Variants in LRP2 observed in about 807,000 individuals in gnomAD.
LRP2 encodes low-density lipoprotein receptor-related protein 2.
Under a neutral mutation model 531.0 loss-of-function variants are expected in LRP2, and 172 were observed. That is an observed-to-expected ratio of 0.32 (90% CI 0.29 to 0.37). The LOEUF (loss-of-function observed/expected upper bound fraction) is 0.37. Among genes scored for constraint, LRP2 ranks in the 10% least tolerant of loss-of-function variants. The pLI is 1.00. For missense variants in LRP2, 5,167 were observed against 5,868.3 expected (o/e 0.88, Z 3.90); for synonymous variants, 1,992 against 2,027.6 (o/e 0.98, Z 0.47).
At chr2:169,339,525 T>C (rs1378239752) in intron 1 of LRP2, among the ~76,000 whole-genome samples, 1 of 152,202 alleles carries the variant, frequency 6.6e-6, no homozygotes, top group Non-Finnish European at 1.5e-5. Flanking sequence ...TTAAGACATT[T>C]TCAACAATTA....
intron 3 of LRP2, among the ~76,000 whole-genome samples, chr2:169,310,648 T>C (rs1431431419): frequency 6.6e-6 from 1 of 152,226 alleles, no homozygotes; most frequent in Admixed American, 6.5e-5. Flanking sequence ...TCAGGGCTAT[T>C]GGTCTAAAAT....
At position 169,170,549 on chromosome 2, in the gene LRP2, A is replaced by G. The variant is rs1449878363; in HGVS notation, c.11380+2T>C. 2 of 1,610,906 alleles carry G rather than the reference A, an allele frequency of 1.2e-6. No homozygotes were observed. ...ATGGTAAGCTTCTCAAATGACAGTT[A>G]CCACAGTCCCGTTCATCTGAGTTGT... On this transcript the variant is annotated splice_donor_variant, in intron 59 of 78. Transcript: ENST00000649046. LOFTEE classifies it high-confidence loss of function.
intron 53 of LRP2, among the ~76,000 whole-genome samples, chr2:169,177,202 A>G (rs150830184): frequency 2.0e-3 from 310 of 152,348 alleles, no homozygotes; most frequent in Non-Finnish European, 3.6e-3. Context: ...GCAGACCCAC[A>G]AAAACCAGTC....
chr2:169,218,047 C>G (rs1688858919), intron 34 of LRP2, among the ~76,000 whole-genome samples: 1 of 152,158 alleles, frequency 6.6e-6, no homozygotes, highest in Admixed American at 6.5e-5. Context: ...TGCCTCAGCT[C>G]TTTATTAGTG....
chr2:169,360,010 A>C (rs1406838464), intron 1 of LRP2, among the ~76,000 whole-genome samples: 5 of 151,804 alleles, frequency 3.3e-5, no homozygotes, highest in Non-Finnish European at 7.4e-5. Context: ...TTGTAGTCCC[A>C]GCTACTTGGG....
chr2:169,309,383 C>G (rs1203328142), intron 3 of LRP2, among the ~76,000 whole-genome samples: 4 of 152,186 alleles, frequency 2.6e-5, no homozygotes, highest in Non-Finnish European at 5.9e-5. Flanking sequence ...TTTAATCCAT[C>G]TTGAATTAAT....
intron 4 of LRP2, among the ~76,000 whole-genome samples, chr2:169,296,972 AT>A (rs1447789324): frequency 3.3e-5 from 5 of 152,124 alleles, no homozygotes; most frequent in African/African-American, 1.2e-4. Flanking sequence ...ATCACTCTCA[AT>A]CAGCAGAGGA....
At chr2:169,160,026 G>C (rs1686513471) in intron 63 of LRP2, among the ~76,000 whole-genome samples, 2 of 152,058 alleles carry the variant, frequency 1.3e-5, no homozygotes, top group Non-Finnish European at 2.9e-5. Flanking sequence ...ATTTTAACCC[G>C]TATAACTGAT....
intron 1 of LRP2, among the ~76,000 whole-genome samples, chr2:169,333,114 A>G (rs1439095078): frequency 6.6e-6 from 1 of 152,224 alleles, no homozygotes; most frequent in Non-Finnish European, 1.5e-5. Context: ...TCATCTAGTA[A>G]ACTGAAGTCA....
intron 16 of LRP2, among the ~76,000 whole-genome samples, chr2:169,261,225 T>C (rs1472679317): frequency 1.3e-5 from 2 of 151,994 alleles, no homozygotes; most frequent in African/African-American, 4.8e-5. Context: ...GCATATCTGA[T>C]GATAGGGAAA....
intron 67 of LRP2, among the ~76,000 whole-genome samples, chr2:169,152,555 T>C (rs980578705): frequency 6.6e-6 from 1 of 152,190 alleles, no homozygotes; most frequent in Non-Finnish European, 1.5e-5. Flanking sequence ...GATATTGACC[T>C]GGGTGCTTTC....
intron 23 of LRP2, 37 bp downstream of exon 23, chr2:169,243,366 T>G (rs377560170): frequency 4.3e-6 from 7 of 1,612,626 alleles, no homozygotes; most frequent in Non-Finnish European, 5.9e-6. Flanking sequence ...TTTTTCTAAA[T>G]AAACATTGTG....
intron 1 of LRP2, among the ~76,000 whole-genome samples, chr2:169,347,893 C>T (rs1685737475): frequency 6.6e-6 from 1 of 152,100 alleles, no homozygotes; most frequent in Non-Finnish European, 1.5e-5. Context: ...CGCAATGGTA[C>T]CAGCCTCTGA....
intron 74 of LRP2, 140 bp downstream of exon 74, chr2:169,139,111 C>T: frequency 1.6e-6 from 2 of 1,242,920 alleles, no homozygotes; most frequent in South Asian, 1.2e-5. Flanking sequence ...TGCTTTACAT[C>T]CTCACTACTT....
chr2:169,171,589 A>T (rs1687008191), intron 58 of LRP2, among the ~76,000 whole-genome samples: 1 of 152,146 alleles, frequency 6.6e-6, no homozygotes, highest in Non-Finnish European at 1.5e-5. Flanking sequence ...CTCTCCTATG[A>T]AGGCCATTTT....
intron 16 of LRP2, among the ~76,000 whole-genome samples, chr2:169,265,343 T>C (rs1690757235): frequency 6.6e-6 from 1 of 152,080 alleles, no homozygotes; most frequent in African/African-American, 2.4e-5. Context: ...GCTCACCAGC[T>C]GACAAGGCCT....
chr2:169,130,395 C>A (rs1474121144), intron 77 of LRP2, among the ~76,000 whole-genome samples: 2 of 151,884 alleles, frequency 1.3e-5, no homozygotes, highest in Non-Finnish European at 2.9e-5. Flanking sequence ...TCAAGCAATC[C>A]TCCCACCTCA....
At chr2:169,281,191 G>T (rs557386118) in intron 10 of LRP2, among the ~76,000 whole-genome samples, 25 of 152,290 alleles carry the variant, frequency 1.6e-4, no homozygotes, top group African/African-American at 5.1e-4. Flanking sequence ...AGGGACTGAG[G>T]TAGGCAGATC....
In LRP2 at chr2:169,247,646, T is replaced by A. The variant is rs975721918; in HGVS notation, c.2771-131A>T. On this transcript the variant is annotated intron_variant, in intron 19 of 78. Coordinates refer to ENST00000649046, the MANE Select transcript of LRP2 (RefSeq NM_004525.3). ...ATCTCCCCCATAAATATCTGTAATA[T>A]GTTTCTCTAACCATTTTCCACGACT... 5.1e-6 allele frequency: 5 copies of A among 981,222 alleles called. No individual in the cohort carries two copies. The Admixed American group carries it at 7.9e-5, about 15-fold the overall frequency. 60.8% of individuals were successfully genotyped at this position (981,222 alleles called of 1,614,324 possible).
Sources: allele counts gnomAD v4.1 joint callset (sites outside exome capture counted in the v4.1 genomes callset), GRCh38; gene constraint gnomAD v4.1.1; transcripts MANE v1.5; gene names NCBI Gene and HGNC (gene_info 2026-07-23, HGNC 2026-07-21).